The following ARHGAP24 variants were observed in gnomAD, a reference collection of about 807,000 sequenced individuals.
The protein encoded by ARHGAP24 is rho GTPase-activating protein 24.
Under a neutral mutation model 76.4 loss-of-function variants are expected in ARHGAP24, and 50 were observed. The ratio of observed to expected loss-of-function variants is 0.65; its 90% CI spans 0.52 to 0.83. ARHGAP24 has a LOEUF of 0.83. Among genes scored for constraint, ARHGAP24 ranks in the 40% least tolerant of loss-of-function variants. The pLI is 0.00. For synonymous variants in ARHGAP24, 345 were observed against 323.3 expected, an observed-to-expected ratio of 1.07 and a Z score of -0.72; for missense variants, 930 against 914.2, an observed-to-expected ratio of 1.02 and a Z score of -0.22.
At chr4:85,789,291 A>ATGC (rs1240271141) in intron 3 of ARHGAP24, among the ~76,000 whole-genome samples, 2 of 151,784 alleles carry the variant, frequency 1.3e-5, no homozygotes, top group Admixed American at 1.3e-4. Context: ...ATTCAAAGAG[A>ATGC]TGCATGCCCA....
At chr4:85,676,958 A>G (rs535125989) in intron 2 of ARHGAP24, among the ~76,000 whole-genome samples, 1 of 152,204 alleles carries the variant, frequency 6.6e-6, no homozygotes, top group African/African-American at 2.4e-5. Flanking sequence ...AAGCAAGCAG[A>G]GCCACTGCCT....
intron 3 of ARHGAP24, among the ~76,000 whole-genome samples, chr4:85,903,723 C>A (rs978682225): frequency 5.9e-5 from 9 of 151,954 alleles, no homozygotes; most frequent in Middle Eastern, 3.4e-3. Flanking sequence ...TGAATTGGAC[C>A]CAGACACCCC....
At position 85,840,146 on chromosome 4, in the gene ARHGAP24, T is replaced by G. The variant is rs1730521700; in HGVS notation, c.269-83502T>G. On this transcript the variant is annotated intron_variant, in intron 3 of 9. Transcript: ENST00000395184. ...TCCCAAAGTACTGGGATTACAGGCA[T>G]GAGCCACCACGCCCAGCCTTAAGTG... Among the ~76,000 whole-genome samples the G allele has an allele frequency of 2.0e-5, 3 of 148,284 alleles. No individual in the cohort carries two copies. The Admixed American group carries it at 2.0e-4, about 10-fold the overall frequency.
At chr4:85,503,703 T>C (rs1723918978) in intron 1 of ARHGAP24, among the ~76,000 whole-genome samples, 1 of 152,208 alleles carries the variant, frequency 6.6e-6, no homozygotes, top group East Asian at 1.9e-4. Flanking sequence ...GGGTTTTTTG[T>C]GTCTCTGTCT....
intron 2 of ARHGAP24, among the ~76,000 whole-genome samples, chr4:85,711,463 A>G (rs1163739301): frequency 6.6e-6 from 1 of 152,148 alleles, no homozygotes; most frequent in Non-Finnish European, 1.5e-5. Context: ...TTTAATTTTA[A>G]TCTATGAATA....
At chr4:85,666,215 G>A (rs151210509) in intron 2 of ARHGAP24, among the ~76,000 whole-genome samples, 4,456 of 152,164 alleles carry the variant, frequency 0.029, 200 homozygotes, top group African/African-American at 0.1. Flanking sequence ...TTGTTCGTTT[G>A]TTTTTATTCT....
At chr4:85,590,220 T>G (rs974776165) in intron 2 of ARHGAP24, among the ~76,000 whole-genome samples, 3 of 149,786 alleles carry the variant, frequency 2.0e-5, no homozygotes, top group East Asian at 4.0e-4. Flanking sequence ...CTTCCTTCCT[T>G]CCTTCCTTCC....
At chr4:85,716,917 CCTGTCTCT>C (rs1421873522) in intron 2 of ARHGAP24, among the ~76,000 whole-genome samples, 2 of 152,048 alleles carry the variant, frequency 1.3e-5, no homozygotes, top group Non-Finnish European at 2.9e-5. Flanking sequence ...AATATCTTGA[CCTGTCTCT>C]CTTGTGCTCT....
At chr4:85,687,905 A>C (rs576323336) in intron 2 of ARHGAP24, among the ~76,000 whole-genome samples, 3 of 152,022 alleles carry the variant, frequency 2.0e-5, no homozygotes, top group African/African-American at 7.2e-5. Flanking sequence ...TCCACCTCCC[A>C]GGTTCAAGCG....
At chr4:85,864,712 C>T (rs1284787469) in intron 3 of ARHGAP24, among the ~76,000 whole-genome samples, 1 of 151,678 alleles carries the variant, frequency 6.6e-6, no homozygotes, top group South Asian at 2.1e-4. Flanking sequence ...CATGTTCAGA[C>T]CCACTTCCAT....
At chr4:85,722,433 A>G (rs1218572454) in intron 3 of ARHGAP24, 1 of 204,078 alleles carries the variant, frequency 4.9e-6, no homozygotes, top group Non-Finnish European at 1.0e-5. Context: ...AACTCTTACT[A>G]CTTAATACTT....
chr4:85,534,775 T>A (rs1206005472), intron 1 of ARHGAP24, among the ~76,000 whole-genome samples: 1 of 152,110 alleles, frequency 6.6e-6, no homozygotes, highest in African/African-American at 2.4e-5. Flanking sequence ...TCATTCCTTA[T>A]GACTTCTCTA....
In ARHGAP24 at chr4:85,690,479, T is replaced by G. The variant is rs555382911; in HGVS notation, c.181-31406T>G. Among the ~76,000 whole-genome samples, 5 of 152,312 alleles carry G rather than the reference T, an allele frequency of 3.3e-5. No individual in the cohort carries two copies. The South Asian group carries it at 1.0e-3, about 32-fold the overall frequency. ...TGTTGGTATATTTTTTATTACTGAT[T>G]CAATTTCAGAACTTGATATTGGTCT... is the stretch of plus-strand genomic sequence containing the variant. On this transcript the variant is annotated intron_variant, in intron 2 of 9. Coordinates refer to ENST00000395184, the MANE Select transcript of ARHGAP24 (RefSeq NM_001025616.3).
intron 2 of ARHGAP24, among the ~76,000 whole-genome samples, chr4:85,640,661 C>G (rs552381392): frequency 6.6e-6 from 1 of 152,084 alleles, no homozygotes; most frequent in Non-Finnish European, 1.5e-5. Context: ...AGCCTTTGCC[C>G]TCAAAGGATT....
At chr4:85,824,550 C>G (rs1200061627) in intron 3 of ARHGAP24, among the ~76,000 whole-genome samples, 1 of 152,066 alleles carries the variant, frequency 6.6e-6, no homozygotes, top group East Asian at 1.9e-4. Context: ...AAATAGAAAA[C>G]CAAAACATCT....
At chr4:85,550,225 AT>A (rs1295125841) in intron 1 of ARHGAP24, among the ~76,000 whole-genome samples, 1 of 152,192 alleles carries the variant, frequency 6.6e-6, no homozygotes, top group East Asian at 1.9e-4. Context: ...CACCATATGT[AT>A]GGTATAAGGA....
intron 2 of ARHGAP24, among the ~76,000 whole-genome samples, chr4:85,669,140 C>G (rs1315826820): frequency 2.6e-5 from 4 of 152,216 alleles, no homozygotes; most frequent in Middle Eastern, 3.4e-3. Flanking sequence ...GTTGGGTAGA[C>G]AAAACTCAGG....
chr4:85,755,989 A>T (rs537252487), intron 3 of ARHGAP24, among the ~76,000 whole-genome samples: 2 of 152,074 alleles, frequency 1.3e-5, no homozygotes, highest in Admixed American at 6.6e-5. Flanking sequence ...GCTATTGTTC[A>T]TGTCCCCCTC....
chr4:85,743,702 G>A (rs752268931), intron 3 of ARHGAP24, among the ~76,000 whole-genome samples: 6 of 151,938 alleles, frequency 3.9e-5, no homozygotes, highest in African/African-American at 7.3e-5. Context: ...AGACACACAG[G>A]CCAAATAAGA....
Sources: gnomAD v4.1 joint callset for allele counts (sites outside exome capture counted in the v4.1 genomes callset) on GRCh38, gnomAD v4.1.1 for gene constraint, MANE v1.5 for transcripts, NCBI Gene and HGNC (gene_info 2026-07-23, HGNC 2026-07-21) for gene names.